Variants in STK24 observed in about 807,000 individuals in gnomAD.
The protein encoded by STK24 is serine/threonine-protein kinase 24.
A neutral mutation model predicts 55.6 loss-of-function variants in STK24; 21 were observed. That is an observed-to-expected ratio of 0.38 (90% CI 0.27 to 0.54). The LOEUF (loss-of-function observed/expected upper bound fraction) is 0.54. Among genes scored for constraint, STK24 ranks in the 20% least tolerant of loss-of-function variants. The pLI, the probability that STK24 is intolerant of heterozygous loss-of-function variation, is 0.79. For synonymous variants in STK24, 200 were observed against 215.2 expected, an observed-to-expected ratio of 0.93 and a Z score of 0.62; for missense variants, 383 against 538.4, an observed-to-expected ratio of 0.71 and a Z score of 2.86.
Position 98,446,371 on chromosome 13 carries a change from AG to A in STK24, c.*6801del. 1.6e-6 allele frequency: 1 copy of A among 606,894 alleles called. No individual in the cohort carries two copies. Among genetic ancestry groups the A allele is most frequent in the Non-Finnish European group, 2.9e-6 (1 of 340,940 alleles). The allele number at this position is 606,894 out of a possible 1,614,324, so 37.6% of individuals were successfully genotyped here. On this transcript the variant is annotated 3_prime_UTR_variant, in exon 11 of 11. Coordinates refer to ENST00000539966, the MANE Select transcript of STK24 (RefSeq NM_001032296.4). ...CTGTCCACCCGAGGCCCTCAACTCT[AG>A]GGAAGACTGACATTATCATCCACTG...
intron 1 of STK24, among the ~76,000 whole-genome samples, chr13:98,576,488 C>G (rs560008664): frequency 1.2e-3 from 184 of 152,182 alleles, no homozygotes; most frequent in African/African-American, 4.4e-3. Flanking sequence ...GAGGACTAGG[C>G]GCCCGCACCC....
At chr13:98,541,201 T>C (rs916138215) in intron 1 of STK24, among the ~76,000 whole-genome samples, 4 of 151,682 alleles carry the variant, frequency 2.6e-5, no homozygotes, top group African/African-American at 9.7e-5. Context: ...TGGAAAACTT[T>C]GTAATTTTGA....
chr13:98,567,938 A>C lies in STK24; in HGVS notation c.42+8807T>G, dbSNP rs536752790. 2.2e-5 allele frequency among the ~76,000 whole-genome samples: 3 copies of C among 135,274 alleles called. No homozygotes were observed. In the South Asian group the frequency reaches 8.1e-4, roughly 36 times the overall value. The allele number at this position is 135,274 out of a possible 152,430, so 88.7% of individuals were successfully genotyped here. On this transcript the variant is annotated intron_variant, in intron 1 of 10. Coordinates refer to ENST00000539966, the MANE Select transcript of STK24 (RefSeq NM_001032296.4). ...TGGAAAGTAGGTAGTGGTTTAAAAA[A>C]AAAAAGGGGGGGGGTGGGGAGTAGA...
chr13:98,497,030 G>C (rs1309841746), intron 2 of STK24, among the ~76,000 whole-genome samples: 2 of 152,118 alleles, frequency 1.3e-5, no homozygotes, highest in Non-Finnish European at 2.9e-5. Flanking sequence ...GCATTTCTAG[G>C]AGCAAGAAAC....
intron 2 of STK24, among the ~76,000 whole-genome samples, chr13:98,490,939 G>T (rs1438479984): frequency 2.0e-5 from 3 of 152,108 alleles, no homozygotes; most frequent in African/African-American, 2.4e-5. Flanking sequence ...GCTAGATGGA[G>T]AATGAGAAGT....
Position 98,519,386 on chromosome 13 carries a change from T to A in STK24, c.130A>T (p.Asn44Tyr), listed in dbSNP as rs777417489. Residue 44 changes from asparagine (N) to tyrosine (Y), a missense_variant, in exon 2 of 11, where the codon AAT (asparagine) becomes TAT (tyrosine). Transcript: ENST00000539966. ...SFGEVFKGID[N>Y]RTQKVVAIKI... ...ATGGCAACCACTTTCTGAGTCCGAT[T>A]GTCAATGCCTTTGAACACCTCTCCA... 1 of 1,614,148 alleles carries A rather than the reference T, an allele frequency of 6.2e-7. No individual in the cohort carries two copies. Among genetic ancestry groups the A allele is most frequent in the East Asian group, 2.2e-5 (1 of 44,906 alleles).
chr13:98,525,600 G>A (rs950032615), intron 1 of STK24, among the ~76,000 whole-genome samples: 4 of 152,106 alleles, frequency 2.6e-5, no homozygotes, highest in African/African-American at 7.2e-5. Flanking sequence ...CAGTGGAGCC[G>A]GGCTCGCCAC....
chr13:98,510,505 C>G (rs1163708510), intron 2 of STK24, among the ~76,000 whole-genome samples: 1 of 152,192 alleles, frequency 6.6e-6, no homozygotes, highest in Non-Finnish European at 1.5e-5. Flanking sequence ...GTATTCACAA[C>G]AGCCAAAAAA....
intron 1 of STK24, among the ~76,000 whole-genome samples, chr13:98,521,204 T>G (rs1464476507): frequency 6.6e-6 from 1 of 152,224 alleles, no homozygotes; most frequent in Non-Finnish European, 1.5e-5. Flanking sequence ...AAAATCAACC[T>G]ATCTATCCAA....
At chr13:98,542,935 T>G in intron 1 of STK24, 1 of 985,328 alleles carries the variant, frequency 1.0e-6, no homozygotes, top group South Asian at 4.7e-5. Context: ...GGTGTATTTG[T>G]GGAGACGATG....
chr13:98,491,925 T>C (rs9517325), intron 2 of STK24, among the ~76,000 whole-genome samples: 38,047 of 151,974 alleles, frequency 0.25, 4,984 homozygotes, highest in Non-Finnish European at 0.3. Context: ...ATAAAACACA[T>C]GGCAAAATTT....
intron 1 of STK24, among the ~76,000 whole-genome samples, chr13:98,567,611 T>C (rs1422031834): frequency 6.6e-6 from 1 of 152,170 alleles, no homozygotes; most frequent in African/African-American, 2.4e-5. Flanking sequence ...CAGACATGTA[T>C]ACTGCTGTTT....
intron 5 of STK24, among the ~76,000 whole-genome samples, chr13:98,470,629 G>A (rs1294031403): frequency 2.6e-5 from 4 of 152,172 alleles, no homozygotes; most frequent in Non-Finnish European, 5.9e-5. Context: ...AACTGCGAAC[G>A]AATCTTCTCC....
At chr13:98,576,277 C>T in intron 1 of STK24, 5 of 945,420 alleles carry the variant, frequency 5.3e-6, no homozygotes, top group Non-Finnish European at 6.3e-6. Context: ...CCCCGCCCTG[C>T]CCAGGTCTCC....
intron 2 of STK24, among the ~76,000 whole-genome samples, chr13:98,506,594 G>A (rs1895688228): frequency 6.6e-6 from 1 of 152,220 alleles, no homozygotes; most frequent in Non-Finnish European, 1.5e-5. Context: ...ATCACACAGT[G>A]CAATTTCCCA....
intron 2 of STK24, among the ~76,000 whole-genome samples, chr13:98,499,934 A>T (rs1895387048): frequency 6.6e-6 from 1 of 152,240 alleles, no homozygotes; most frequent in African/African-American, 2.4e-5. Flanking sequence ...TGTTAATCAG[A>T]ACCCTTTAAT....
chr13:98,576,229 T>C, intron 1 of STK24: 3 of 985,448 alleles, frequency 3.0e-6, no homozygotes, highest in Non-Finnish European at 3.6e-6. Context: ...CCCTGCCTAC[T>C]CCGCTCGGGC....
intron 1 of STK24, among the ~76,000 whole-genome samples, chr13:98,548,861 C>CAAA (rs55793722): frequency 0.029 from 1,097 of 37,738 alleles, 99 homozygotes; most frequent in African/African-American, 0.078. Flanking sequence ...GACTCTGTCT[C>CAAA]AAAAAAAAAA....
rs562477708 is a variant in STK24 at position 98,565,398 on chromosome 13, C to T, written c.42+11347G>A. On this transcript the variant is annotated intron_variant, in intron 1 of 10. Coordinates refer to ENST00000539966, the MANE Select transcript of STK24 (RefSeq NM_001032296.4). Reference sequence around the variant, plus strand: ...ACCCCAGCACTCTGGAAGGCGAAGGCGAGAGGATCACTTGAGGTCAGGAGC... The same window carrying T: ...ACCCCAGCACTCTGGAAGGCGAAGGTGAGAGGATCACTTGAGGTCAGGAGC... 3.9e-5 allele frequency among the ~76,000 whole-genome samples: 6 copies of T among 152,146 alleles called. No homozygotes were observed. In the South Asian group the frequency reaches 1.0e-3, roughly 26 times the overall value.
Sources: gnomAD v4.1 joint callset for allele counts (sites outside exome capture counted in the v4.1 genomes callset) on GRCh38, gnomAD v4.1.1 for gene constraint, MANE v1.5 for transcripts, NCBI Gene and HGNC (gene_info 2026-07-23, HGNC 2026-07-21) for gene names.